The following OSBPL10 variants were observed in gnomAD, a reference collection of about 807,000 sequenced individuals.
The protein encoded by OSBPL10 is oxysterol-binding protein-related protein 10.
Under a neutral mutation model 81.7 loss-of-function variants are expected in OSBPL10, and 49 were observed. That is an observed-to-expected ratio of 0.60 (90% CI 0.48 to 0.76). The LOEUF (loss-of-function observed/expected upper bound fraction) is 0.76, where lower values mean the gene tolerates loss of function less well. Among genes scored for constraint, OSBPL10 ranks in the 30% least tolerant of loss-of-function variants. OSBPL10 has a pLI of 0.00. For synonymous variants in OSBPL10, 419 were observed against 383.6 expected, an observed-to-expected ratio of 1.09 and a Z score of -1.08; for missense variants, 923 against 987.8, an observed-to-expected ratio of 0.93 and a Z score of 0.88.
intron 5 of OSBPL10, among the ~76,000 whole-genome samples, chr3:31,739,355 C>T (rs1430858155): frequency 6.6e-6 from 1 of 152,148 alleles, no homozygotes; most frequent in Non-Finnish European, 1.5e-5. Context: ...TTATAGTACT[C>T]AGCCTCACTT....
intron 2 of OSBPL10, among the ~76,000 whole-genome samples, chr3:32,031,207 G>A (rs1304116330): frequency 1.3e-5 from 2 of 151,526 alleles, no homozygotes; most frequent in African/African-American, 2.4e-5. Context: ...CAATTGAGGA[G>A]AACTTAAGTG....
chr3:31,797,743 A>G (rs1384691386), intron 4 of OSBPL10: 1 of 454,168 alleles, frequency 2.2e-6, no homozygotes, highest in Non-Finnish European at 4.4e-6. Flanking sequence ...CCATGTCCAC[A>G]ATACAATGTA....
At chr3:31,713,440 A>G (rs1048441686) in intron 6 of OSBPL10, among the ~76,000 whole-genome samples, 2 of 152,030 alleles carry the variant, frequency 1.3e-5, no homozygotes, top group Non-Finnish European at 2.9e-5. Flanking sequence ...TCTGTTGCCC[A>G]GGCTGGAGTG....
At chr3:31,726,902 G>C (rs1473220393) in intron 6 of OSBPL10, among the ~76,000 whole-genome samples, 1 of 151,684 alleles carries the variant, frequency 6.6e-6, no homozygotes, top group African/African-American at 2.4e-5. Context: ...CAAATGCAGT[G>C]GTGTGATCAC....
intron 1 of OSBPL10, among the ~76,000 whole-genome samples, chr3:31,900,635 G>A (rs1696209829): frequency 6.6e-6 from 1 of 152,174 alleles, no homozygotes; most frequent in African/African-American, 2.4e-5. Context: ...ATTCTAGAAG[G>A]GAGTTTTAGA....
chr3:31,965,806 T>A (rs1263223525), intron 1 of OSBPL10, among the ~76,000 whole-genome samples: 2 of 63,214 alleles, frequency 3.2e-5, no homozygotes, highest in African/African-American at 2.7e-4. Flanking sequence ...TATTATCTAT[T>A]TATATAATAT....
intron 1 of OSBPL10, among the ~76,000 whole-genome samples, chr3:31,925,863 C>T (rs1438058279): frequency 6.6e-6 from 1 of 151,766 alleles, no homozygotes; most frequent in Non-Finnish European, 1.5e-5. Context: ...GAAGAATATC[C>T]CAAAGCAAAC....
chr3:31,969,862 CAAA>C (rs999893051), intron 1 of OSBPL10, among the ~76,000 whole-genome samples: 1 of 85,248 alleles, frequency 1.2e-5, no homozygotes, highest in Non-Finnish European at 2.4e-5. Context: ...CTCAAAAAAA[CAAA>C]AAAAGAAAAA....
In OSBPL10 at chr3:32,064,528, C is replaced by T. The variant is rs963207698; in HGVS notation, n.185+12868G>A. ...CAGCTAGGGACATGCTTCCAAATTG[C>T]CTTGGTGAATGCTTGGAAAAACAAA... On this transcript the variant is annotated intron_variant and non_coding_transcript_variant, in intron 1 of 3. Coordinates refer to the OSBPL10 transcript ENST00000479173. 4 of 91,664 alleles carry T rather than the reference C, an allele frequency of 4.4e-5. 2 individuals carry two copies. Among genetic ancestry groups the T allele is most frequent in the Non-Finnish European group, 1.2e-4 (4 of 34,592 alleles). 5.7% of individuals were successfully genotyped at this position (91,664 alleles called of 1,614,324 possible).
At chr3:31,930,453 T>C (rs1290718788) in intron 1 of OSBPL10, among the ~76,000 whole-genome samples, 1 of 152,190 alleles carries the variant, frequency 6.6e-6, no homozygotes, top group Non-Finnish European at 1.5e-5. Context: ...CTTAGCTATT[T>C]CTATTCTCAA....
At chr3:32,041,833 A>G (rs919904177) in intron 2 of OSBPL10, among the ~76,000 whole-genome samples, 1 of 151,804 alleles carries the variant, frequency 6.6e-6, no homozygotes, top group Non-Finnish European at 1.5e-5. Context: ...AATTTTTTGT[A>G]TTTTTAGTAG....
At position 31,965,851 on chromosome 3, in the gene OSBPL10, A is replaced by ATATATAATATATATTATATAAAT. The variant is rs1467396829; in HGVS notation, c.281+15047_281+15048insATTTATATAATATATATTATATA. Among the ~76,000 whole-genome samples the ATATATAATATATATTATATAAAT allele has an allele frequency of 3.3e-3, 201 of 61,626 alleles. 38 individuals are homozygous for ATATATAATATATATTATATAAAT. In the East Asian group the frequency reaches 0.15, roughly 45 times the overall value. 40.4% of individuals were successfully genotyped at this position (61,626 alleles called of 152,430 possible). Reference sequence around the variant, plus strand: ...AAATATATAATATATATTATATAAAAAGATAATATATAATACATATTATAT... The same window carrying ATATATAATATATATTATATAAAT: ...AAATATATAATATATATTATATAAAATATATAATATATATTATATAAATAGATAATATATAATACATATTATAT... On this transcript the variant is annotated intron_variant, in intron 1 of 11. Coordinates refer to ENST00000396556, the MANE Select transcript of OSBPL10 (RefSeq NM_017784.5).
intron 2 of OSBPL10, among the ~76,000 whole-genome samples, chr3:32,018,196 T>A (rs977260309): frequency 1.3e-5 from 2 of 149,546 alleles, no homozygotes; most frequent in African/African-American, 4.9e-5. Context: ...ATAAATAAAA[T>A]GTCAAAAATT....
At chr3:31,673,076 C>G (rs990393045) in intron 8 of OSBPL10, among the ~76,000 whole-genome samples, 1 of 152,098 alleles carries the variant, frequency 6.6e-6, no homozygotes, top group Non-Finnish European at 1.5e-5. Context: ...AAGTAAAGCC[C>G]CAGGCCACCT....
rs1307794062 is a variant in OSBPL10, at chr3:31,833,733, A to T, written c.538-3502T>A. Among the ~76,000 whole-genome samples, 284 of 150,594 alleles carry T rather than the reference A, an allele frequency of 1.9e-3. 1 individual carries two copies. The highest frequency in any genetic ancestry group is 6.0e-3 in the African/African-American group (241 of 40,320). ...CACACACACACACACACACACACAC[A>T]CACACTCTCTCTCTCTTCTAATTCT... On this transcript the variant is annotated intron_variant, in intron 3 of 11. Coordinates refer to ENST00000396556, the MANE Select transcript of OSBPL10 (RefSeq NM_017784.5).
chr3:31,687,937 G>T (rs1358595794), intron 7 of OSBPL10, among the ~76,000 whole-genome samples: 2 of 140,010 alleles, frequency 1.4e-5, no homozygotes, highest in South Asian at 2.1e-4. Flanking sequence ...TTTTTTAAAA[G>T]AAGTGGGCAA....
At chr3:31,909,982 C>CTT (rs563373548) in intron 1 of OSBPL10, among the ~76,000 whole-genome samples, 29 of 129,278 alleles carry the variant, frequency 2.2e-4, no homozygotes, top group East Asian at 1.3e-3. Context: ...GTCTCCTGGC[C>CTT]TTTTTTTTTT....
At chr3:31,854,362 C>T (rs1005382867) in intron 3 of OSBPL10, among the ~76,000 whole-genome samples, 2 of 152,102 alleles carry the variant, frequency 1.3e-5, no homozygotes, top group African/African-American at 2.4e-5. Context: ...CTGCCATTGG[C>T]CCATAATGCC....
At chr3:31,756,194 C>T (rs1012238774) in intron 4 of OSBPL10, among the ~76,000 whole-genome samples, 7 of 152,174 alleles carry the variant, frequency 4.6e-5, no homozygotes, top group African/African-American at 1.7e-4. Context: ...ATTAGTCCTC[C>T]GGCTCCACTT....
Sources: allele counts gnomAD v4.1 joint callset (sites outside exome capture counted in the v4.1 genomes callset), GRCh38; gene constraint gnomAD v4.1.1; transcripts MANE v1.5; gene names NCBI Gene and HGNC (gene_info 2026-07-23, HGNC 2026-07-21).